Variants in APOL1 observed in about 807,000 individuals in gnomAD.
APOL1 encodes apolipoprotein L 1.
APOL1 carries 17 observed loss-of-function variants against 14.9 expected under a neutral mutation model. The observed-to-expected ratio is 1.14, with a 90% CI of 0.78 to 1.71. The LOEUF (loss-of-function observed/expected upper bound fraction) is 1.71, where lower values mean the gene tolerates loss of function less well. Ranked by LOEUF, APOL1 falls within the 40% of genes most tolerant of loss-of-function variation. The probability of loss-of-function intolerance (pLI) is 0.00; values close to 1 mark genes in which losing one functional copy is unlikely to be tolerated. For synonymous variants in APOL1, 195 were observed against 184.8 expected, an observed-to-expected ratio of 1.05 and a Z score of -0.45; for missense variants, 523 against 485.9, an observed-to-expected ratio of 1.08 and a Z score of -0.72.
intron 5 of APOL1, among the ~76,000 whole-genome samples, chr22:36,264,281 C>T (rs1367436966): frequency 6.6e-6 from 1 of 152,174 alleles, no homozygotes; most frequent in Non-Finnish European, 1.5e-5. Context: ...AGGAAAGACA[C>T]CAAATAGCCC....
chr22:36,261,541 C>T, intron 4 of APOL1, 55 bp from the exon 5 acceptor site: 3 of 1,551,380 alleles, frequency 1.9e-6, no homozygotes, highest in Non-Finnish European at 2.7e-6. Context: ...TATGCAATGG[C>T]TGTTATGCAC....
chr22:36,261,743 T>G (rs136164), intron 5 of APOL1, 21 bp downstream of exon 5: 1 of 1,609,868 alleles, frequency 6.2e-7, no homozygotes, highest in East Asian at 2.2e-5. Context: ...TGGGGTTACC[T>G]CCATTGGGCA....
At chr22:36,262,928 C>T (rs899419406) in intron 5 of APOL1, among the ~76,000 whole-genome samples, 2 of 152,238 alleles carry the variant, frequency 1.3e-5, no homozygotes, top group Admixed American at 1.3e-4. Context: ...AGCAGACTCA[C>T]AACTTCCCAA....
chr22:36,266,612 A>G lies in APOL1; in HGVS notation c.*579A>G. The G allele has an allele frequency of 5.0e-6, 2 of 397,864 alleles. No homozygotes were observed. Among genetic ancestry groups the G allele is most frequent in the East Asian group, 3.6e-5 (1 of 27,996 alleles). The allele number at this position is 397,864 out of a possible 1,614,324, so 24.6% of individuals were successfully genotyped here. ...AGAAGCAGTTTACTTTAGACTAAAGAATATATTGGGGGGCCGGGTGTAGTG... is the reference window on the plus strand; with the variant it reads ...AGAAGCAGTTTACTTTAGACTAAAGGATATATTGGGGGGCCGGGTGTAGTG... On this transcript the variant is annotated 3_prime_UTR_variant, in exon 6 of 6. Transcript: ENST00000397278.
chr22:36,261,781 T>C, intron 5 of APOL1, 59 bp downstream of exon 5: 2 of 1,564,456 alleles, frequency 1.3e-6, no homozygotes, highest in South Asian at 2.3e-5. Flanking sequence ...AGCTCTCCCC[T>C]GGGCTAGTTT....
At chr22:36,258,119 C>G (rs1181549691) in intron 4 of APOL1, among the ~76,000 whole-genome samples, 2 of 152,186 alleles carry the variant, frequency 1.3e-5, no homozygotes, top group Non-Finnish European at 2.9e-5. Flanking sequence ...TCTACTGGTC[C>G]CCTGTTGATT....
Position 36,266,568 on chromosome 22 carries a change from G to A in APOL1, c.*535G>A. Reference sequence around the variant, plus strand: ...TGCAATAAGGGAAAAATGGGAACTGGAGAGTGTGGGGAATGGGAAGAAGCA... The same window carrying A: ...TGCAATAAGGGAAAAATGGGAACTGAAGAGTGTGGGGAATGGGAAGAAGCA... On this transcript the variant is annotated 3_prime_UTR_variant, in exon 6 of 6. Coordinates refer to ENST00000397278, the MANE Select transcript of APOL1 (RefSeq NM_003661.4). The A allele has an allele frequency of 2.5e-6, 1 of 399,356 alleles. No homozygotes were observed. Among genetic ancestry groups the A allele is most frequent in the Admixed American group, 4.4e-5 (1 of 22,742 alleles). The allele number at this position is 399,356 out of a possible 1,614,324, so 24.7% of individuals were successfully genotyped here. A position where few individuals can be genotyped will look rare whatever the true frequency, so the allele number is the denominator to read the frequency against.
In APOL1 at chr22:36,265,351, C is replaced by A. The variant is rs2016205085; in HGVS notation, c.515C>A (p.Thr172Asn). The A allele has an allele frequency of 6.2e-7, 1 of 1,611,096 alleles. No individual in the cohort carries two copies. The highest frequency in any genetic ancestry group is 8.5e-7 in the Non-Finnish European group (1 of 1,178,190). ...ADGVQKVHKG[T>N]TIANVVSGSL... The stretch of plus-strand genomic sequence containing the variant: ...GGGGTTCAGAAGGTCCACAAAGGCA[C>A]CACCATCGCCAATGTGGTGTCTGGC... Residue 172 changes from threonine (T) to asparagine (N), a missense_variant, in exon 6 of 6, where the codon ACC (threonine) becomes AAC (asparagine). Physicochemically the swap from Thr to Asn is moderately conservative, Grantham distance 65 (BLOSUM62 0). Coordinates refer to ENST00000397278, the MANE Select transcript of APOL1 (RefSeq NM_003661.4).
chr22:36,257,687 T>C (rs546688860), intron 4 of APOL1: 6 of 218,038 alleles, frequency 2.8e-5, no homozygotes, highest in Admixed American at 1.2e-4. Context: ...CTTGGGGAAG[T>C]GGAATCAGCG....
chr22:36,263,584 G>A (rs1292073804), intron 5 of APOL1, among the ~76,000 whole-genome samples: 2 of 152,224 alleles, frequency 1.3e-5, no homozygotes, highest in African/African-American at 4.8e-5. Context: ...AGTTTGGGAG[G>A]GTTTTAAGTG....
At chr22:36,254,684 A>G (rs553538866) in intron 1 of APOL1, among the ~76,000 whole-genome samples, 2 of 152,188 alleles carry the variant, frequency 1.3e-5, no homozygotes, top group African/African-American at 4.8e-5. Context: ...AACATGGTGA[A>G]ACCCTGTCTC....
At chr22:36,260,298 G>A (rs2016037178) in intron 4 of APOL1, among the ~76,000 whole-genome samples, 1 of 152,216 alleles carries the variant, frequency 6.6e-6, no homozygotes, top group African/African-American at 2.4e-5. Flanking sequence ...AGGAGGCTGA[G>A]GCAGGAGAAT....
Position 36,266,438 on chromosome 22 carries a change from T to C in APOL1, c.*405T>C, listed in dbSNP as rs2016264134. On this transcript the variant is annotated 3_prime_UTR_variant, in exon 6 of 6. Coordinates refer to ENST00000397278, the MANE Select transcript of APOL1 (RefSeq NM_003661.4). ...GATAAAGAGGGTGAGGTAAAGTTTA[T>C]GGAACTGAGTGTTAGGGACTTTGGC... 2.4e-6 allele frequency: 1 copy of C among 410,790 alleles called. No homozygotes were observed. The allele number at this position is 410,790 out of a possible 1,614,324, so 25.4% of individuals were successfully genotyped here. A position where few individuals can be genotyped will look rare whatever the true frequency, so the allele number is the denominator to read the frequency against.
chr22:36,257,505 C>T, intron 4 of APOL1, 98 bp downstream of exon 4: 1 of 1,245,584 alleles, frequency 8.0e-7, no homozygotes, highest in Non-Finnish European at 1.2e-6. Flanking sequence ...CCCGGATGGA[C>T]TAGGAGGCCA....
rs559012539 is a variant in APOL1, at chr22:36,259,145, C to T, written c.187+1738C>T. On this transcript the variant is annotated intron_variant, in intron 4 of 5. Coordinates refer to ENST00000397278, the MANE Select transcript of APOL1 (RefSeq NM_003661.4). ...TAACAGAAGTACCCATCTGATATGA[C>T]CCCAGTTGAGTTTCCCATAGCTTGC... Among the ~76,000 whole-genome samples the T allele has an allele frequency of 1.3e-3, 203 of 152,290 alleles. 1 individual carries two copies. The highest frequency in any genetic ancestry group is 4.7e-3 in the African/African-American group (196 of 41,552).
intron 4 of APOL1, 99 bp from the exon 5 acceptor site, chr22:36,261,497 A>G (rs1157149310): frequency 7.6e-7 from 1 of 1,322,580 alleles, no homozygotes; most frequent in Non-Finnish European, 1.1e-6. Flanking sequence ...CCCACATCAC[A>G]GCTGTCCAGG....
At chr22:36,263,980 AG>A (rs1021167517) in intron 5 of APOL1, among the ~76,000 whole-genome samples, 6 of 152,258 alleles carry the variant, frequency 3.9e-5, no homozygotes, top group Admixed American at 1.3e-4. Flanking sequence ...TCAGACAGCA[AG>A]GGGGGAAGAC....
intron 4 of APOL1, among the ~76,000 whole-genome samples, chr22:36,261,372 T>C (rs532812919): frequency 1.3e-5 from 2 of 152,278 alleles, no homozygotes; most frequent in East Asian, 1.9e-4. Flanking sequence ...TCAGTCTTAA[T>C]TGCTTCCTTA....
chr22:36,264,273 G>T (rs2016163028), intron 5 of APOL1, among the ~76,000 whole-genome samples: 1 of 152,130 alleles, frequency 6.6e-6, no homozygotes, highest in African/African-American at 2.4e-5. Context: ...CTGGGATCAG[G>T]AAAGACACCA....
Sources: gnomAD v4.1 joint callset for allele counts (sites outside exome capture counted in the v4.1 genomes callset) on GRCh38, gnomAD v4.1.1 for gene constraint, MANE v1.5 for transcripts, NCBI Gene and HGNC (gene_info 2026-07-23, HGNC 2026-07-21) for gene names.